Variants in SLC45A2 observed in about 807,000 individuals in gnomAD.
SLC45A2 encodes the protein solute carrier family 45 member 2.
In SLC45A2, 36 loss-of-function variants were observed where a neutral mutation model predicts 45.5. The ratio of observed to expected loss-of-function variants is 0.79; its 90% CI spans 0.61 to 1.04. The LOEUF (loss-of-function observed/expected upper bound fraction) is 1.04, where lower values mean the gene tolerates loss of function less well. SLC45A2 is among the 50% of genes least tolerant of loss of function. The pLI is 0.00. For synonymous variants in SLC45A2, 306 were observed against 269.3 expected (o/e 1.14, Z -1.33); for missense variants, 719 against 671.0 (o/e 1.07, Z -0.79).
intron 3 of SLC45A2, among the ~76,000 whole-genome samples, chr5:33,958,094 G>A (rs956154451): frequency 2.6e-5 from 4 of 152,258 alleles, no homozygotes; most frequent in Admixed American, 2.0e-4. Context: ...ACTGGGTAGT[G>A]ATGAATTTAC....
intron 2 of SLC45A2, among the ~76,000 whole-genome samples, chr5:33,981,055 T>C (rs547930276): frequency 2.0e-5 from 3 of 151,498 alleles, no homozygotes; most frequent in East Asian, 3.9e-4. Context: ...ACGTGGAAAG[T>C]GCAGTGGGAA....
At chr5:33,958,543 G>T (rs1451025924) in intron 3 of SLC45A2, among the ~76,000 whole-genome samples, 6 of 152,036 alleles carry the variant, frequency 3.9e-5, no homozygotes, top group South Asian at 2.1e-4. Context: ...TAGAGGTGGG[G>T]TCTCTCTCTG....
intron 2 of SLC45A2, among the ~76,000 whole-genome samples, chr5:33,977,161 C>T (rs1010947714): frequency 1.1e-4 from 16 of 152,326 alleles, no homozygotes; most frequent in Middle Eastern, 6.8e-3. Flanking sequence ...AGCAAGAAGG[C>T]GGCTGTCTGC....
At chr5:33,968,921 C>T (rs1752687052) in intron 2 of SLC45A2, among the ~76,000 whole-genome samples, 1 of 152,108 alleles carries the variant, frequency 6.6e-6, no homozygotes, top group Non-Finnish European at 1.5e-5. Context: ...ATGAGAAAGT[C>T]GTTCTGATTC....
At chr5:33,978,341 C>A (rs1339243927) in intron 2 of SLC45A2, among the ~76,000 whole-genome samples, 1 of 152,114 alleles carries the variant, frequency 6.6e-6, no homozygotes, top group African/African-American at 2.4e-5. Context: ...AAATATATTT[C>A]TTTGATATAT....
chr5:33,952,864 C>A (rs1486509221), intron 4 of SLC45A2, among the ~76,000 whole-genome samples: 1 of 101,454 alleles, frequency 9.9e-6, no homozygotes, highest in Non-Finnish European at 1.9e-5. Context: ...CCACCACAGT[C>A]CCCAGAGTGT....
At chr5:33,959,795 G>C (rs1419596253) in intron 3 of SLC45A2, among the ~76,000 whole-genome samples, 1 of 152,142 alleles carries the variant, frequency 6.6e-6, no homozygotes, top group Non-Finnish European at 1.5e-5. Context: ...AACATGAGCA[G>C]TGTCGAAGTT....
intron 3 of SLC45A2, among the ~76,000 whole-genome samples, chr5:33,958,710 A>G (rs1047172249): frequency 6.6e-6 from 1 of 152,138 alleles, no homozygotes; most frequent in African/African-American, 2.4e-5. Flanking sequence ...AAATAACAAG[A>G]TCATTCAGAG....
At position 33,954,498 on chromosome 5, in the gene SLC45A2, T is replaced by C; in HGVS notation, c.895A>G (p.Arg299Gly). 1 of 1,613,870 alleles carries C rather than the reference T, an allele frequency of 6.2e-7. No homozygotes were observed. The highest frequency in any genetic ancestry group is 8.5e-7 in the Non-Finnish European group (1 of 1,179,968). The change falls in exon 4 of 7, where the codon AGG (arginine) becomes GGG (glycine). Residue 299 changes from arginine (R) to glycine (G), a missense_variant. Physicochemically the swap from Arg to Gly is moderately radical, Grantham distance 125. Transcript: ENST00000296589. ...AGCAGTGACTTTAATGTCATTGCCC[T>C]GCGAGTCTGAAATAAAACATGAAAC... ...KNKNHAEQTR[R>G]AMTLKSLLRA...
chr5:33,951,545 A>G lies in SLC45A2; in HGVS notation c.1156+9T>C, dbSNP rs759975944. The G allele has an allele frequency of 3.7e-5, 60 of 1,614,156 alleles. No individual in the cohort carries two copies. The highest frequency in any genetic ancestry group is 4.8e-5 in the Non-Finnish European group (57 of 1,180,014). ...TTAGAAGACATCCTTAGGAGAGAGA[A>G]AGACTTACAAGAATAAAGTGAGGAA... is the stretch of plus-strand genomic sequence containing the variant. On this transcript the variant is annotated intron_variant, in intron 5 of 6. Coordinates refer to ENST00000296589, the MANE Select transcript of SLC45A2 (RefSeq NM_016180.5).
In SLC45A2 at chr5:33,964,605, A is replaced by G. The variant is rs933756968; in HGVS notation, c.563-589T>C. ...CCCAGTTGATAGCTGGGAACAGGAAATAATGAGAACAAAAGTTTAAACATG... is the reference window on the plus strand; with the variant it reads ...CCCAGTTGATAGCTGGGAACAGGAAGTAATGAGAACAAAAGTTTAAACATG... On this transcript the variant is annotated intron_variant, in intron 2 of 6. Transcript: ENST00000296589. 8.5e-5 allele frequency among the ~76,000 whole-genome samples: 13 copies of G among 152,322 alleles called. No individual in the cohort carries two copies. In the South Asian group the frequency reaches 1.9e-3, roughly 22 times the overall value.
chr5:33,949,437 C>G (rs1370613264), intron 5 of SLC45A2, among the ~76,000 whole-genome samples: 1 of 152,142 alleles, frequency 6.6e-6, no homozygotes, highest in Non-Finnish European at 1.5e-5. Flanking sequence ...AAGAGCAGTT[C>G]AGGCAGAAGA....
intron 2 of SLC45A2, among the ~76,000 whole-genome samples, chr5:33,966,258 C>T (rs2111969031): frequency 6.6e-6 from 1 of 152,192 alleles, no homozygotes; most frequent in South Asian, 2.1e-4. Context: ...GATGCAGTTG[C>T]ATGTCTACTG....
At chr5:33,978,792 G>A (rs1308793840) in intron 2 of SLC45A2, among the ~76,000 whole-genome samples, 1 of 152,126 alleles carries the variant, frequency 6.6e-6, no homozygotes, top group South Asian at 2.1e-4. Flanking sequence ...TTGGGCAACT[G>A]TTCTGAGGAC....
chr5:33,971,800 T>G (rs1405545101), intron 2 of SLC45A2, among the ~76,000 whole-genome samples: 2 of 152,072 alleles, frequency 1.3e-5, no homozygotes, highest in Non-Finnish European at 2.9e-5. Flanking sequence ...CTAATTTTTG[T>G]GTTTTTAGTA....
At chr5:33,954,050 A>G (rs1752195070) in intron 4 of SLC45A2, among the ~76,000 whole-genome samples, 1 of 151,002 alleles carries the variant, frequency 6.6e-6, no homozygotes, top group African/African-American at 2.4e-5. Flanking sequence ...GAGCACCCAG[A>G]TTCATAAAGC....
chr5:33,967,350 A>G (rs938596539), intron 2 of SLC45A2, among the ~76,000 whole-genome samples: 17 of 152,216 alleles, frequency 1.1e-4, no homozygotes, highest in Non-Finnish European at 2.4e-4. Flanking sequence ...ATATTCCTCT[A>G]GAGCAGCCTT....
chr5:33,965,412 TA>T (rs759453682), intron 2 of SLC45A2, among the ~76,000 whole-genome samples: 2 of 152,210 alleles, frequency 1.3e-5, no homozygotes, highest in Non-Finnish European at 2.9e-5. Flanking sequence ...AGAGCCTATT[TA>T]AGGAGGACCA....
chr5:33,964,436 A>G (rs773740721), intron 2 of SLC45A2, among the ~76,000 whole-genome samples: 3 of 152,214 alleles, frequency 2.0e-5, no homozygotes, highest in Non-Finnish European at 4.4e-5. Context: ...AAAAGCCCCA[A>G]AGAAAACCAA....
Sources: gnomAD v4.1 joint callset for allele counts (sites outside exome capture counted in the v4.1 genomes callset) on GRCh38, gnomAD v4.1.1 for gene constraint, MANE v1.5 for transcripts, NCBI Gene and HGNC (gene_info 2026-07-23, HGNC 2026-07-21) for gene names.